Variants in ITPK1 observed in about 807,000 individuals in gnomAD.
ITPK1 encodes the protein inositol 1,3,4-trisphosphate 5/6-kinase.
Under a neutral mutation model 45.3 loss-of-function variants are expected in ITPK1, and 21 were observed. The ratio of observed to expected loss-of-function variants is 0.46; its 90% CI spans 0.33 to 0.67. The LOEUF (loss-of-function observed/expected upper bound fraction) is 0.67, where lower values mean the gene tolerates loss of function less well. Ranked by LOEUF, ITPK1 falls within the 30% of genes least tolerant of loss-of-function variation. The probability of loss-of-function intolerance (pLI) is 0.02; values close to 1 mark genes in which losing one functional copy is unlikely to be tolerated. For missense variants in ITPK1, 474 were observed against 573.5 expected (o/e 0.83, Z 1.77); for synonymous variants, 258 against 253.6 (o/e 1.02, Z -0.16).
In ITPK1 at chr14:93,025,266, G is replaced by A. The variant is rs186084703; in HGVS notation, c.121-8465C>T. On this transcript the variant is annotated intron_variant, in intron 3 of 10. Transcript: ENST00000267615. ...CCCGGAAATCAAGAGCAGGAATGGAGGCTGTGGGGGCAAGCAGACAGTGGT... is the reference window on the plus strand; with the variant it reads ...CCCGGAAATCAAGAGCAGGAATGGAAGCTGTGGGGGCAAGCAGACAGTGGT... Among the ~76,000 whole-genome samples, 159 of 152,328 alleles carry A rather than the reference G, an allele frequency of 1.0e-3. 1 individual carries two copies. Among genetic ancestry groups the A allele is most frequent in the Admixed American group, 1.9e-3 (29 of 15,310 alleles).
At chr14:93,043,581 T>C (rs1311287079) in intron 3 of ITPK1, among the ~76,000 whole-genome samples, 2 of 152,014 alleles carry the variant, frequency 1.3e-5, no homozygotes, top group African/African-American at 4.8e-5. Flanking sequence ...CCCACCTACA[T>C]GAAGAACAAA....
At chr14:93,061,810 G>A (rs1189931414) in intron 3 of ITPK1, among the ~76,000 whole-genome samples, 1 of 152,184 alleles carries the variant, frequency 6.6e-6, no homozygotes, top group Non-Finnish European at 1.5e-5. Context: ...TGACAGACCA[G>A]AACCATGGTC....
intron 3 of ITPK1, among the ~76,000 whole-genome samples, chr14:93,043,629 G>C (rs1444311440): frequency 6.6e-6 from 1 of 152,246 alleles, no homozygotes; most frequent in Non-Finnish European, 1.5e-5. Context: ...GCCGTAGCCA[G>C]CCTCAGCCTG....
At chr14:92,960,992 G>A (rs951681698) in intron 7 of ITPK1, among the ~76,000 whole-genome samples, 3 of 152,272 alleles carry the variant, frequency 2.0e-5, no homozygotes, top group Non-Finnish European at 4.4e-5. Context: ...CATGTGCTGC[G>A]CTACGCTGAC....
chr14:93,115,373 G>C (rs1350536254), intron 1 of ITPK1, 68 bp from the exon 2 acceptor site: 5 of 192,734 alleles, frequency 2.6e-5, no homozygotes, highest in African/African-American at 4.8e-5. Flanking sequence ...CGCTCAGCGC[G>C]GAAGGCCACT....
chr14:92,970,433 C>T (rs1236227349), intron 5 of ITPK1, among the ~76,000 whole-genome samples: 6 of 152,182 alleles, frequency 3.9e-5, no homozygotes, highest in African/African-American at 9.7e-5. Context: ...CATCCCAGGG[C>T]GCCCCTGCAC....
Position 93,012,379 on chromosome 14 carries a change from G to A in ITPK1, c.246+4297C>T, listed in dbSNP as rs115116072. ...TCTTGGGAAGGGGCACTGAGCTGAC[G>A]GAACAGCTTGTGCAAAGGCGCTGAG... is the stretch of plus-strand genomic sequence containing the variant. On this transcript the variant is annotated intron_variant, in intron 4 of 10. Transcript: ENST00000267615. This position sits in a 1 kb window ranked among gnomAD's most constrained non-coding sequence, Gnocchi z 4.9. Among the ~76,000 whole-genome samples, 935 of 152,312 alleles carry A rather than the reference G, an allele frequency of 6.1e-3. 12 individuals carry two copies. The highest frequency in any genetic ancestry group is 0.02 in the African/African-American group (811 of 41,564).
At position 93,034,578 on chromosome 14, in the gene ITPK1, G is replaced by T. The variant is rs1022450150; in HGVS notation, c.121-17777C>A. 6.6e-6 allele frequency among the ~76,000 whole-genome samples: 1 copy of T among 152,180 alleles called. No individual in the cohort carries two copies. The highest frequency in any genetic ancestry group is 2.4e-5 in the African/African-American group (1 of 41,444). On this transcript the variant is annotated intron_variant, in intron 3 of 10. Coordinates refer to ENST00000267615, the MANE Select transcript of ITPK1 (RefSeq NM_014216.6). The surrounding 1 kb of genome is among the most constrained non-coding windows in gnomAD (Gnocchi z 4.1). ...CTGCTCCCCACTAGAGGGCAGGCCA[G>T]CCTGAGCTGCCTGGGGGCCCCTGGG...
intron 3 of ITPK1, among the ~76,000 whole-genome samples, chr14:93,022,055 T>C (rs1888496870): frequency 6.6e-6 from 1 of 152,208 alleles, no homozygotes; most frequent in African/African-American, 2.4e-5. Context: ...GTTCTGGGAA[T>C]TTACGAGCTG....
intron 9 of ITPK1, among the ~76,000 whole-genome samples, chr14:92,950,704 C>A (rs1887917917): frequency 6.6e-6 from 1 of 152,232 alleles, no homozygotes; most frequent in Non-Finnish European, 1.5e-5. Flanking sequence ...AATGCCAAAT[C>A]CCCTCCATTG....
At position 92,958,037 on chromosome 14, in the gene ITPK1, C is replaced by T. The variant is rs532192469; in HGVS notation, c.670+164G>A. 6.6e-6 allele frequency among the ~76,000 whole-genome samples: 1 copy of T among 152,280 alleles called. No homozygotes were observed. The highest frequency in any genetic ancestry group is 1.9e-4 in the East Asian group (1 of 5,182). ...GGGACATTTTACTAGTTCCCCAAGACCTCTTTATCCACCGTACACAACTGT... is the reference window on the plus strand; with the variant it reads ...GGGACATTTTACTAGTTCCCCAAGATCTCTTTATCCACCGTACACAACTGT... On this transcript the variant is annotated intron_variant, in intron 8 of 10. Transcript: ENST00000267615. This position sits in a 1 kb window ranked among gnomAD's most constrained non-coding sequence, Gnocchi z 4.4.
chr14:92,944,898 G>A (rs1009141960), intron 10 of ITPK1, among the ~76,000 whole-genome samples: 17 of 152,134 alleles, frequency 1.1e-4, no homozygotes, highest in Admixed American at 9.8e-4. Context: ...CAGATCTCAC[G>A]GTGGCTGCTC....
chr14:93,092,659 T>A (rs535690839), intron 2 of ITPK1, among the ~76,000 whole-genome samples: 1 of 152,326 alleles, frequency 6.6e-6, no homozygotes, highest in South Asian at 2.1e-4. Flanking sequence ...AGTACTGGCA[T>A]CCAGTAGGTG....
chr14:92,996,241 T>C (rs780216557), intron 4 of ITPK1, among the ~76,000 whole-genome samples: 1 of 152,110 alleles, frequency 6.6e-6, no homozygotes, highest in Non-Finnish European at 1.5e-5. Context: ...AGTAAGACCC[T>C]GTCTCCAAAA....
chr14:92,939,987 A>G lies in ITPK1; in HGVS notation c.*1574T>C. ...GACGTACAGACATTAATCGGGGTTC[A>G]AAACTCAAGTCGTGTAAACGTGGTT... On this transcript the variant is annotated 3_prime_UTR_variant, in exon 11 of 11. Coordinates refer to ENST00000267615, the MANE Select transcript of ITPK1 (RefSeq NM_014216.6). The G allele has an allele frequency of 1.0e-6, 1 of 985,908 alleles. No individual in the cohort carries two copies. 61.1% of individuals were successfully genotyped at this position (985,908 alleles called of 1,614,324 possible). A position where few individuals can be genotyped will look rare whatever the true frequency, so the allele number is the denominator to read the frequency against.
intron 2 of ITPK1, among the ~76,000 whole-genome samples, chr14:93,105,156 G>T (rs1464404390): frequency 6.6e-6 from 1 of 152,142 alleles, no homozygotes. Context: ...TGCATGAGGG[G>T]GCTCCAGTGA....
At chr14:93,046,561 C>G (rs1889780607) in intron 3 of ITPK1, among the ~76,000 whole-genome samples, 1 of 143,260 alleles carries the variant, frequency 7.0e-6, no homozygotes, top group South Asian at 2.2e-4. Flanking sequence ...CAGAAAAAGG[C>G]TAGGTAAGCA....
chr14:92,994,525 C>T (rs572573439), intron 4 of ITPK1, among the ~76,000 whole-genome samples: 7 of 152,300 alleles, frequency 4.6e-5, no homozygotes, highest in Non-Finnish European at 8.8e-5. Context: ...CAAGAGAAAC[C>T]GTGACAAAAA....
At chr14:93,035,423 T>C (rs1284833841) in intron 3 of ITPK1, among the ~76,000 whole-genome samples, 1 of 152,016 alleles carries the variant, frequency 6.6e-6, no homozygotes, top group East Asian at 1.9e-4. Context: ...TGAAGGACAG[T>C]GGAATGCCTC....
Sources: allele counts gnomAD v4.1 joint callset (sites outside exome capture counted in the v4.1 genomes callset), GRCh38; gene constraint gnomAD v4.1.1; non-coding constraint Gnocchi (gnomAD v3.1); transcripts MANE v1.5; gene names NCBI Gene and HGNC (gene_info 2026-07-23, HGNC 2026-07-21).